The following LRCH1 variants were observed in gnomAD, a reference collection of about 807,000 sequenced individuals.
LRCH1 encodes leucine rich repeats and calponin homology domain containing 1.
Under a neutral mutation model 94.9 loss-of-function variants are expected in LRCH1, and 23 were observed. The observed-to-expected ratio is 0.24, with a 90% confidence interval of 0.17 to 0.34. The LOEUF is 0.34. Ranked by LOEUF, LRCH1 falls within the 10% of genes least tolerant of loss-of-function variation. LRCH1 has a pLI of 1.00. For synonymous variants in LRCH1, 364 were observed against 354.9 expected (o/e 1.03, Z -0.29); for missense variants, 790 against 945.9 (o/e 0.84, Z 2.16).
chr13:46,721,346 CAT>C (rs1459018773), intron 16 of LRCH1, among the ~76,000 whole-genome samples: 1 of 152,294 alleles, frequency 6.6e-6, no homozygotes, highest in East Asian at 1.9e-4. Flanking sequence ...CCCTTGCTGG[CAT>C]ATGTGTGTAT....
exon 19 of LRCH1, chr13:46,751,194 A>G (rs940648365): frequency 6.6e-6 from 1 of 152,182 alleles, no homozygotes; most frequent in Non-Finnish European, 1.5e-5. Flanking sequence ...AAATTAGGAA[A>G]CTATTTTATT....
At chr13:46,640,378 T>C (rs2138062081) in intron 1 of LRCH1, among the ~76,000 whole-genome samples, 1 of 152,278 alleles carries the variant, frequency 6.6e-6, no homozygotes, top group South Asian at 2.1e-4. Flanking sequence ...GATGCAGAAA[T>C]TGAGGCATAG....
chr13:46,690,847 A>C (rs1359846739), intron 7 of LRCH1, among the ~76,000 whole-genome samples: 2 of 152,198 alleles, frequency 1.3e-5, no homozygotes, highest in Non-Finnish European at 2.9e-5. Flanking sequence ...AGATTTTACC[A>C]TCTATGATCA....
chr13:46,653,670 A>G (rs930216995), intron 2 of LRCH1, among the ~76,000 whole-genome samples: 6 of 151,854 alleles, frequency 4.0e-5, no homozygotes, highest in African/African-American at 1.5e-4. Flanking sequence ...ACTGAAAAAA[A>G]AAATACAAAA....
intron 1 of LRCH1, among the ~76,000 whole-genome samples, chr13:46,564,397 G>T (rs1001120984): frequency 6.6e-6 from 1 of 152,226 alleles, no homozygotes; most frequent in African/African-American, 2.4e-5. Flanking sequence ...TGCAATCCCA[G>T]TTCCAACATG....
At chr13:46,598,315 G>A (rs548859362) in intron 1 of LRCH1, among the ~76,000 whole-genome samples, 1 of 151,678 alleles carries the variant, frequency 6.6e-6, no homozygotes, top group African/African-American at 2.4e-5. Context: ...GGGCAGTTTT[G>A]TCTGGCCCTC....
chr13:46,657,453 CTTT>C (rs1353010506), intron 2 of LRCH1, among the ~76,000 whole-genome samples: 1 of 131,870 alleles, frequency 7.6e-6, no homozygotes, highest in Non-Finnish European at 1.6e-5. Flanking sequence ...ACCACCACCA[CTTT>C]TTTTCTTTCT....
chr13:46,597,479 C>G (rs969354579), intron 1 of LRCH1, among the ~76,000 whole-genome samples: 2 of 152,038 alleles, frequency 1.3e-5, no homozygotes, highest in Admixed American at 1.3e-4. Context: ...GCCTCAGCCT[C>G]TCAAGTAGCT....
chr13:46,728,984 TGTAA>T lies in LRCH1; in HGVS notation c.2007+5_2007+8del. On this transcript the variant is annotated splice_donor_variant and splice_donor_region_variant and intron_variant, in intron 18 of 19. Transcript: ENST00000389797. LOFTEE classifies it high-confidence loss of function. ...GCATCCATGTCCCATCACCAGCGGT[TGTAA>T]GTAACACCAAAGGGAAACTAACTGA... is the stretch of plus-strand genomic sequence containing the variant. 1.9e-6 allele frequency: 3 copies of T among 1,611,888 alleles called. No individual in the cohort carries two copies. The highest frequency in any genetic ancestry group is 2.5e-6 in the Non-Finnish European group (3 of 1,178,740).
intron 2 of LRCH1, among the ~76,000 whole-genome samples, chr13:46,655,513 TA>T (rs2051359368): frequency 6.6e-6 from 1 of 152,254 alleles, no homozygotes; most frequent in African/African-American, 2.4e-5. Context: ...TTTCCTGTTA[TA>T]AAGTGTCTTA....
At chr13:46,727,274 A>G (rs1872869779) in intron 17 of LRCH1, among the ~76,000 whole-genome samples, 1 of 152,242 alleles carries the variant, frequency 6.6e-6, no homozygotes, top group Non-Finnish European at 1.5e-5. Context: ...CAGAATGGAG[A>G]TGATAAAGGA....
chr13:46,713,763 C>T (rs552751744), intron 15 of LRCH1, among the ~76,000 whole-genome samples: 156 of 152,300 alleles, frequency 1.0e-3, no homozygotes, highest in African/African-American at 3.5e-3. Flanking sequence ...TTCCTTTCCA[C>T]GGTCTCAGGT....
intron 1 of LRCH1, among the ~76,000 whole-genome samples, chr13:46,625,876 C>T (rs2050942825): frequency 6.6e-6 from 1 of 152,052 alleles, no homozygotes; most frequent in African/African-American, 2.4e-5. Flanking sequence ...TAGTCTCAAA[C>T]TCCTGGAATC....
intron 1 of LRCH1, among the ~76,000 whole-genome samples, chr13:46,561,058 C>G (rs2050125001): frequency 6.6e-6 from 1 of 152,184 alleles, no homozygotes; most frequent in African/African-American, 2.4e-5. Context: ...CTAACCATAT[C>G]CTCCTTCACT....
At chr13:46,696,470 A>G (rs1399149316) in intron 9 of LRCH1, among the ~76,000 whole-genome samples, 2 of 152,208 alleles carry the variant, frequency 1.3e-5, no homozygotes, top group East Asian at 3.9e-4. Context: ...TTTAAGTTCT[A>G]GAGGAAACAA....
Position 46,724,205 on chromosome 13 carries a change from C to T in LRCH1, c.1869+875C>T, listed in dbSNP as rs1243072036. 4.6e-5 allele frequency among the ~76,000 whole-genome samples: 7 copies of T among 151,926 alleles called. No individual in the cohort carries two copies. In the East Asian group the frequency reaches 9.7e-4, roughly 21 times the overall value. On this transcript the variant is annotated intron_variant, in intron 17 of 19. Transcript: ENST00000389797. Reference sequence around the variant, plus strand: ...CGTTGGGATTACAGGTATGAGCCACCGCACCCAGCTGAATTTTTAATTTTT... The same window carrying T: ...CGTTGGGATTACAGGTATGAGCCACTGCACCCAGCTGAATTTTTAATTTTT...
intron 1 of LRCH1, among the ~76,000 whole-genome samples, chr13:46,635,599 T>A (rs563434633): frequency 1.2e-4 from 18 of 151,140 alleles, no homozygotes; most frequent in South Asian, 6.3e-4. Context: ...GCCTCCCGAG[T>A]AGCTGGGACT....
intron 9 of LRCH1, among the ~76,000 whole-genome samples, chr13:46,697,293 A>G (rs1346883406): frequency 2.0e-5 from 3 of 152,078 alleles, no homozygotes; most frequent in African/African-American, 7.2e-5. Flanking sequence ...TCAGCACACA[A>G]CCTTGGTGTG....
intron 1 of LRCH1, among the ~76,000 whole-genome samples, chr13:46,570,345 C>T (rs899256260): frequency 3.9e-5 from 6 of 152,250 alleles, no homozygotes; most frequent in Admixed American, 2.6e-4. Context: ...GGCTTGGCAT[C>T]GAGATGGTTT....
Sources: gnomAD v4.1 joint callset for allele counts (sites outside exome capture counted in the v4.1 genomes callset) on GRCh38, gnomAD v4.1.1 for gene constraint, MANE v1.5 for transcripts, NCBI Gene and HGNC (gene_info 2026-07-23, HGNC 2026-07-21) for gene names.